The following SNRPN variants were observed in gnomAD, a reference collection of about 807,000 sequenced individuals.
SNRPN encodes small nuclear ribonucleoprotein polypeptide N.
SNRPN carries 7 observed loss-of-function variants against 25.2 expected under a neutral mutation model. That is an observed-to-expected ratio of 0.28 (90% CI 0.16 to 0.52). The LOEUF (loss-of-function observed/expected upper bound fraction) is 0.52. SNRPN is among the 20% of genes least tolerant of loss of function. The probability of loss-of-function intolerance (pLI) is 0.96; values close to 1 mark genes in which losing one functional copy is unlikely to be tolerated. For missense variants in SNRPN, 196 were observed against 322.5 expected, an observed-to-expected ratio of 0.61 and a Z score of 3.00; for synonymous variants, 124 against 110.6, an observed-to-expected ratio of 1.12 and a Z score of -0.76.
At chr15:24,895,876 A>T (rs527493360) in intron 2 of SNRPN, among the ~76,000 whole-genome samples, 1 of 152,312 alleles carries the variant, frequency 6.6e-6, no homozygotes, top group Non-Finnish European at 1.5e-5. Context: ...AGAACACCAC[A>T]TAGTCACAGC....
At chr15:24,841,131 G>A (rs917240396) in intron 2 of SNRPN, among the ~76,000 whole-genome samples, 4 of 152,096 alleles carry the variant, frequency 2.6e-5, no homozygotes, top group Non-Finnish European at 5.9e-5. Flanking sequence ...GAGCCCCCAC[G>A]GCCAGCCGGT....
intron 2 of SNRPN, among the ~76,000 whole-genome samples, chr15:24,895,041 T>C (rs1465893219): frequency 1.3e-5 from 2 of 151,816 alleles, no homozygotes; most frequent in Non-Finnish European, 2.9e-5. Context: ...GAGCGAAGAG[T>C]CATGGAGAAA....
intron 2 of SNRPN, among the ~76,000 whole-genome samples, chr15:24,918,118 A>T (rs954570660): frequency 6.6e-6 from 1 of 151,850 alleles, no homozygotes; most frequent in Non-Finnish European, 1.5e-5. Context: ...TCTTATAAAA[A>T]GTACGTATCT....
At chr15:24,876,302 A>G (rs887294627) in intron 1 of SNRPN, among the ~76,000 whole-genome samples, 3 of 152,078 alleles carry the variant, frequency 2.0e-5, no homozygotes, top group African/African-American at 7.2e-5. Flanking sequence ...CGTTCAACAA[A>G]TAGGCAATAA....
At chr15:24,844,131 A>AGT (rs138942935) in intron 2 of SNRPN, among the ~76,000 whole-genome samples, 12,550 of 149,654 alleles carry the variant, frequency 0.084, 1,593 homozygotes, top group African/African-American at 0.28. Context: ...GTGTGTCTGT[A>AGT]GTGTGTGTGT....
intron 2 of SNRPN, among the ~76,000 whole-genome samples, chr15:24,905,968 T>C (rs190386729): frequency 3.7e-4 from 57 of 152,296 alleles, no homozygotes; most frequent in African/African-American, 1.3e-3. Flanking sequence ...TATATTTTCA[T>C]CACCCATTAC....
intron 2 of SNRPN, chr15:24,909,451 C>G: frequency 6.3e-7 from 1 of 1,587,194 alleles, no homozygotes; most frequent in South Asian, 1.1e-5. Context: ...CGCCAGTCAC[C>G]TCCACTTGGC....
At chr15:24,928,771 A>AT (rs201347453) in intron 3 of SNRPN, among the ~76,000 whole-genome samples, 1,663 of 150,852 alleles carry the variant, frequency 0.011, 14 homozygotes, top group Admixed American at 0.026. Context: ...ATGCCTAGCT[A>AT]TTTTTTTTTA....
At chr15:24,930,825 G>A (rs1378748572) in intron 3 of SNRPN, among the ~76,000 whole-genome samples, 1 of 151,846 alleles carries the variant, frequency 6.6e-6, no homozygotes, top group African/African-American at 2.4e-5. Flanking sequence ...CTTGAACCTG[G>A]GAGGTGGAGG....
chr15:24,896,386 T>C (rs1013275384), intron 2 of SNRPN, among the ~76,000 whole-genome samples: 2 of 152,176 alleles, frequency 1.3e-5, no homozygotes. Flanking sequence ...ATAGTGCAGA[T>C]GTAATTAAAG....
chr15:24,857,572 TGTGA>T (rs1475619075), intron 1 of SNRPN, among the ~76,000 whole-genome samples: 2 of 78,528 alleles, frequency 2.5e-5, no homozygotes, highest in African/African-American at 5.2e-5. Flanking sequence ...TTTTCATGCT[TGTGA>T]GTATTTGGGA....
At chr15:24,831,746 A>C (rs8028366) in intron 2 of SNRPN, among the ~76,000 whole-genome samples, 1 of 151,844 alleles carries the variant, frequency 6.6e-6, no homozygotes, top group Non-Finnish European at 1.5e-5. Context: ...TCTTCCCGGC[A>C]TATTTCATTT....
At chr15:24,844,450 C>T (rs1424497340) in intron 2 of SNRPN, among the ~76,000 whole-genome samples, 2 of 152,078 alleles carry the variant, frequency 1.3e-5, no homozygotes, top group African/African-American at 4.8e-5. Flanking sequence ...GAGCCTGTGC[C>T]ATCTCGTCTT....
intron 2 of SNRPN, among the ~76,000 whole-genome samples, chr15:24,916,116 A>G (rs559344364): frequency 6.6e-6 from 1 of 151,672 alleles, no homozygotes; most frequent in Non-Finnish European, 1.5e-5. Flanking sequence ...ACCCGCCACC[A>G]AGCCTGGCTA....
At chr15:24,946,848 A>G (rs575176966) in intron 3 of SNRPN, among the ~76,000 whole-genome samples, 6 of 152,190 alleles carry the variant, frequency 3.9e-5, no homozygotes, top group Non-Finnish European at 8.8e-5. Context: ...TGATTTTTAA[A>G]TGAACTAATG....
intron 1 of SNRPN, among the ~76,000 whole-genome samples, chr15:24,824,719 T>C (rs748339672): frequency 3.9e-5 from 6 of 152,088 alleles, no homozygotes; most frequent in Non-Finnish European, 7.3e-5. Context: ...TCCATTAATG[T>C]CCATTGTTTT....
chr15:24,909,011 AT>A, intron 2 of SNRPN: 1 of 1,421,846 alleles, frequency 7.0e-7, no homozygotes, highest in Non-Finnish European at 9.9e-7. Flanking sequence ...AGCAAGGGAC[AT>A]TTTGGGATGG....
chr15:24,912,186 T>A (rs2059260618), intron 2 of SNRPN, among the ~76,000 whole-genome samples: 1 of 152,208 alleles, frequency 6.6e-6, no homozygotes, highest in Non-Finnish European at 1.5e-5. Context: ...TCGAGCTATG[T>A]CACCCAGGCT....
chr15:24,879,102 C>G (rs1259852445), intron 1 of SNRPN, among the ~76,000 whole-genome samples: 1 of 152,030 alleles, frequency 6.6e-6, no homozygotes, highest in Non-Finnish European at 1.5e-5. Context: ...TCAGCTAGTA[C>G]TTTTTAAGTG....
Sources: gnomAD v4.1 joint callset for allele counts (sites outside exome capture counted in the v4.1 genomes callset) on GRCh38, gnomAD v4.1.1 for gene constraint, MANE v1.5 for transcripts, NCBI Gene and HGNC (gene_info 2026-07-23, HGNC 2026-07-21) for gene names.